EIF4G3: variants seen among roughly 807,000 people sequenced by gnomAD.
EIF4G3 encodes the protein eukaryotic translation initiation factor 4 gamma 3.
Under a neutral mutation model 186.4 loss-of-function variants are expected in EIF4G3, and 34 were observed. The ratio of observed to expected loss-of-function variants is 0.18; its 90% confidence interval spans 0.14 to 0.24. The LOEUF (loss-of-function observed/expected upper bound fraction) is 0.24. Among genes scored for constraint, EIF4G3 ranks in the 10% least tolerant of loss-of-function variants. The probability of loss-of-function intolerance (pLI) is 1.00; values close to 1 mark genes in which losing one functional copy is unlikely to be tolerated. For missense variants in EIF4G3, 1,536 were observed against 1,948.5 expected (o/e 0.79, Z 3.99); for synonymous variants, 673 against 679.5 (o/e 0.99, Z 0.15).
At chr1:20,915,703 T>C (rs1572734269) in intron 14 of EIF4G3, among the ~76,000 whole-genome samples, 2 of 152,266 alleles carry the variant, frequency 1.3e-5, no homozygotes, top group South Asian at 4.1e-4. Flanking sequence ...CTCAGCAATC[T>C]AGAAATAAAA....
chr1:20,827,544 C>A, intron 32 of EIF4G3, 73 bp downstream of exon 32: 1 of 926,906 alleles, frequency 1.1e-6, no homozygotes, highest in Non-Finnish European at 1.7e-6. Context: ...AAGCTATTCA[C>A]AGATAACCCA....
chr1:20,980,916 T>C (rs2077814640), intron 9 of EIF4G3, 132 bp downstream of exon 9: 2 of 652,822 alleles, frequency 3.1e-6, no homozygotes, highest in Non-Finnish European at 2.3e-6. Context: ...AGGGCTAGAT[T>C]TGTAACCAAC....
chr1:20,829,097 T>C, intron 31 of EIF4G3, 50 bp downstream of exon 31: 1 of 1,589,258 alleles, frequency 6.3e-7, no homozygotes, highest in South Asian at 1.1e-5. Context: ...GCAAGTGAGT[T>C]ATTAGTCAGT....
chr1:21,053,314 C>A (rs1232318676), intron 3 of EIF4G3, among the ~76,000 whole-genome samples: 2 of 151,720 alleles, frequency 1.3e-5, no homozygotes, highest in African/African-American at 4.8e-5. Flanking sequence ...GCAGCCACTC[C>A]GTCTGGGAAG....
intron 24 of EIF4G3, among the ~76,000 whole-genome samples, chr1:20,858,400 A>C (rs2075558786): frequency 6.6e-6 from 1 of 151,982 alleles, no homozygotes. Flanking sequence ...CCTTTGCCTA[A>C]AAGTCTCTTT....
chr1:20,983,911 T>G (rs1045233964), intron 7 of EIF4G3, among the ~76,000 whole-genome samples: 2 of 152,192 alleles, frequency 1.3e-5, no homozygotes, highest in African/African-American at 4.8e-5. Flanking sequence ...GGGCAATGTT[T>G]TCCAAAAATT....
intron 3 of EIF4G3, among the ~76,000 whole-genome samples, chr1:21,072,537 G>A (rs764947820): frequency 2.6e-5 from 4 of 152,048 alleles, no homozygotes; most frequent in Non-Finnish European, 4.4e-5. Context: ...CTGAGCAGCT[G>A]GGACTACAGG....
chr1:21,044,589 GAAAA>G (rs2093767675), intron 4 of EIF4G3, among the ~76,000 whole-genome samples: 1 of 144,454 alleles, frequency 6.9e-6, no homozygotes, highest in Non-Finnish European at 1.5e-5. Context: ...GTAACAAAAA[GAAAA>G]AAAAGCATAT....
chr1:21,142,227 T>C (rs1299096971), intron 2 of EIF4G3, among the ~76,000 whole-genome samples: 1 of 151,672 alleles, frequency 6.6e-6, no homozygotes, highest in Non-Finnish European at 1.5e-5. Flanking sequence ...TGGTCAGGCA[T>C]AATGGCTCAT....
At chr1:20,956,324 T>C (rs181686812) in intron 12 of EIF4G3, among the ~76,000 whole-genome samples, 8 of 152,288 alleles carry the variant, frequency 5.3e-5, no homozygotes, top group Non-Finnish European at 8.8e-5. Flanking sequence ...GGATAGTATT[T>C]TGTGGGGAAA....
At chr1:21,002,533 T>C (rs2083796590) in intron 5 of EIF4G3, among the ~76,000 whole-genome samples, 180 bp downstream of exon 5, 1 of 152,226 alleles carries the variant, frequency 6.6e-6, no homozygotes, top group Non-Finnish European at 1.5e-5. Flanking sequence ...AATTTAATTA[T>C]TGCTATAGGT....
Position 20,864,723 on chromosome 1 carries a change from AG to A in EIF4G3, c.2770-12del, listed in dbSNP as rs1437045493. The stretch of plus-strand genomic sequence containing the variant: ...TGTCCTCTCCTCTGGCTGTTGTGTA[AG>A]GAGGAATAATAGCATCTTGATGATG... On this transcript the variant is annotated splice_polypyrimidine_tract_variant and intron_variant, in intron 21 of 36. Transcript: ENST00000602326. The A allele has an allele frequency of 1.2e-6, 2 of 1,601,178 alleles. No homozygotes were observed. Among genetic ancestry groups the A allele is most frequent in the African/African-American group, 2.7e-5 (2 of 74,628 alleles).
chr1:20,948,108 G>A (rs905773679), intron 13 of EIF4G3, among the ~76,000 whole-genome samples: 2 of 152,194 alleles, frequency 1.3e-5, no homozygotes, highest in African/African-American at 4.8e-5. Flanking sequence ...CTTTGCATGG[G>A]AAGTATTCAA....
chr1:20,905,007 CAA>C (rs758087570), intron 14 of EIF4G3, 36 bp from the exon 15 acceptor site: 47 of 1,488,820 alleles, frequency 3.2e-5, no homozygotes, highest in Non-Finnish European at 3.9e-5. Flanking sequence ...CTTGCCACTG[CAA>C]AGTCATTCTG....
At position 21,050,978 on chromosome 1, in the gene EIF4G3, C is replaced by T. The variant is rs2094176688; in HGVS notation, c.-179G>A. On this transcript the variant is annotated 5_prime_UTR_variant, in exon 4 of 37. Transcript: ENST00000602326. ...GGATGGGGTAGGGGTTCCCGGCTGT[C>T]TTGCCACTTGTGTTACCTGTGAGGA... The T allele has an allele frequency of 1.4e-6, 1 of 717,464 alleles. No homozygotes were observed. The highest frequency in any genetic ancestry group is 2.6e-6 in the Non-Finnish European group (1 of 385,082). 44.4% of individuals were successfully genotyped at this position (717,464 alleles called of 1,614,324 possible). A position where few individuals can be genotyped will look rare whatever the true frequency, so the allele number is the denominator to read the frequency against.
At chr1:20,893,815 A>C (rs2086943428) in intron 17 of EIF4G3, among the ~76,000 whole-genome samples, 179 bp from the exon 18 acceptor site, 1 of 151,156 alleles carries the variant, frequency 6.6e-6, no homozygotes, top group South Asian at 2.1e-4. Context: ...TAGAGCCATT[A>C]GGCTAAAACA....
chr1:21,158,192 T>C (rs1253343071), intron 2 of EIF4G3, among the ~76,000 whole-genome samples: 2 of 148,916 alleles, frequency 1.3e-5, no homozygotes, highest in African/African-American at 2.5e-5. Context: ...TTTTTTTTTT[T>C]TGAGGCAAGA....
chr1:20,970,592 G>A (rs1165353879), intron 11 of EIF4G3, among the ~76,000 whole-genome samples: 1 of 151,720 alleles, frequency 6.6e-6, no homozygotes, highest in Non-Finnish European at 1.5e-5. Flanking sequence ...CAGCCTGGGC[G>A]ACAGGGCAAG....
At position 21,125,754 on chromosome 1, in the gene EIF4G3, AT is replaced by A. The variant is rs1202411399; in HGVS notation, c.-271-36542del. On this transcript the variant is annotated intron_variant, in intron 2 of 36. Coordinates refer to ENST00000602326, the MANE Select transcript of EIF4G3 (RefSeq NM_001391906.1). ...AAATATATATAAATAAATATATATAATTTTTTTATATATATATACACACACA... is the reference window on the plus strand; with the variant it reads ...AAATATATATAAATAAATATATATAATTTTTTATATATATATACACACACA... Among the ~76,000 whole-genome samples the A allele has an allele frequency of 1.3e-4, 17 of 131,848 alleles. No individual in the cohort carries two copies. In the East Asian group the frequency reaches 1.4e-3, roughly 11 times the overall value. 86.5% of individuals were successfully genotyped at this position (131,848 alleles called of 152,430 possible).
Sources: allele counts gnomAD v4.1 joint callset (sites outside exome capture counted in the v4.1 genomes callset), GRCh38; gene constraint gnomAD v4.1.1; transcripts MANE v1.5; gene names NCBI Gene and HGNC (gene_info 2026-07-23, HGNC 2026-07-21).